Variants in FANCD2OS observed in about 807,000 individuals in gnomAD.
FANCD2OS encodes FANCD2 opposite strand protein.
Under a neutral mutation model 13.2 loss-of-function variants are expected in FANCD2OS, and 11 were observed. The observed-to-expected ratio is 0.83, with a 90% CI of 0.52 to 1.38. The LOEUF is 1.38. FANCD2OS is among the 40% of genes most tolerant of loss of function. FANCD2OS has a pLI of 0.00. For synonymous variants in FANCD2OS, 69 were observed against 84.5 expected (o/e 0.82, Z 1.01); for missense variants, 217 against 213.9 (o/e 1.01, Z -0.09).
At chr3:10,101,274 A>G (rs981613933), downstream of FANCD2OS, 5 of 1,588,732 alleles carry the variant, frequency 3.1e-6, no homozygotes, top group Non-Finnish European at 4.3e-6. Context: ...CCCCAGATAA[A>G]TTGTTGCCTG....
In FANCD2OS at chr3:10,085,848, G is replaced by A. The variant is rs762060936; in HGVS notation, c.*44-4317C>T. The A allele has an allele frequency of 2.5e-6, 4 of 1,613,676 alleles. No individual in the cohort carries two copies. The South Asian group carries it at 3.3e-5, about 13-fold the overall frequency. On this transcript the variant is annotated intron_variant, in intron 2 of 2. Transcript: ENST00000524279. ...CTCAACCTGAAAATCAGAATTTACT[G>A]TATTCAGCCCTCCATGTCCTTAGTA...
downstream of FANCD2OS, among the ~76,000 whole-genome samples, chr3:10,098,158 A>G (rs137927195): frequency 8.2e-3 from 1,256 of 152,330 alleles, 21 homozygotes; most frequent in African/African-American, 0.028. Flanking sequence ...ACAGAGAATT[A>G]GCTTCCTTTC....
At position 10,104,783 on chromosome 3, in the gene FANCD2OS, C is replaced by T; in HGVS notation, c.-8-1G>A. The T allele has an allele frequency of 1.1e-5, 17 of 1,546,888 alleles. No homozygotes were observed. The highest frequency in any genetic ancestry group is 1.5e-5 in the Non-Finnish European group (17 of 1,146,246). ...AGCTGGTATCCTGCCATTGACAGTCCTAAAGGAGGGAAATCAGAGCATGGA... is the reference window on the plus strand; with the variant it reads ...AGCTGGTATCCTGCCATTGACAGTCTTAAAGGAGGGAAATCAGAGCATGGA... On this transcript the variant is annotated splice_acceptor_variant, in intron 1 of 1. Coordinates refer to ENST00000450660, the MANE Select transcript of FANCD2OS (RefSeq NM_001164839.2). LOFTEE classifies it low-confidence loss of function (5UTR_SPLICE).
chr3:10,087,039 C>G, intron 2 of FANCD2OS: 1 of 1,367,374 alleles, frequency 7.3e-7, no homozygotes, highest in Non-Finnish European at 1.0e-6. Context: ...GGCCGTCAAA[C>G]ACTGAAAGGG....
rs147675860 is a variant in FANCD2OS at position 10,087,244 on chromosome 3, C to T, written c.*44-5713G>A. ...ATTTTGGAGAAATCAACAGCTTCTG[C>T]TCAGAACAAAGAAAAAATTGGTGAT... On this transcript the variant is annotated intron_variant, in intron 2 of 2. Transcript: ENST00000524279. 3.7e-4 allele frequency: 596 copies of T among 1,605,114 alleles called. 8 individuals are homozygous for T. The East Asian group carries it at 0.01, about 28-fold the overall frequency.
At chr3:10,087,091 T>A (rs1029196242) in intron 2 of FANCD2OS, 1 of 1,609,606 alleles carries the variant, frequency 6.2e-7, no homozygotes, top group African/African-American at 1.3e-5. Context: ...CTGTGACACA[T>A]AGGATACTAT....
chr3:10,097,391 G>C (rs1315103267), intron 2 of FANCD2OS, among the ~76,000 whole-genome samples: 1 of 152,122 alleles, frequency 6.6e-6, no homozygotes, highest in Admixed American at 6.5e-5. Context: ...TAAGAGACAG[G>C]TACACCCGGG....
At chr3:10,087,674 G>GTC (rs1694302262) in intron 2 of FANCD2OS, among the ~76,000 whole-genome samples, 1 of 151,858 alleles carries the variant, frequency 6.6e-6, no homozygotes, top group East Asian at 1.9e-4. Flanking sequence ...TTGAGACAGA[G>GTC]TCTCGTTCTG....
chr3:10,099,219 GC>G, downstream of FANCD2OS: 1 of 1,354,504 alleles, frequency 7.4e-7, no homozygotes, highest in Non-Finnish European at 9.5e-7. Flanking sequence ...TTTGGTGAAA[GC>G]CAAAGCACAG....
At chr3:10,101,290 G>T, downstream of FANCD2OS, 1 of 1,505,038 alleles carries the variant, frequency 6.6e-7, no homozygotes, top group Non-Finnish European at 9.3e-7. Flanking sequence ...GCCTGCTTCT[G>T]TGTCTCTGCC....
downstream of FANCD2OS, among the ~76,000 whole-genome samples, chr3:10,098,069 T>C (rs974890396): frequency 2.0e-5 from 3 of 152,142 alleles, no homozygotes; most frequent in Non-Finnish European, 4.4e-5. Flanking sequence ...TCAGATAGGG[T>C]AGTATAAGCC....
intron 2 of FANCD2OS, among the ~76,000 whole-genome samples, chr3:10,096,946 G>A (rs193257611): frequency 2.2e-3 from 340 of 152,224 alleles, no homozygotes; most frequent in African/African-American, 7.8e-3. Flanking sequence ...AGTGTCAGCT[G>A]GCTTGAGAAA....
intron 2 of FANCD2OS, chr3:10,088,771 C>T: frequency 6.4e-7 from 1 of 1,573,290 alleles, no homozygotes; most frequent in South Asian, 1.1e-5. Flanking sequence ...TTAGAGGAAT[C>T]TGTAGTTGTA....
rs1694893271 is a variant in FANCD2OS, at chr3:10,095,378, A to T, written c.*43+8820T>A. On this transcript the variant is annotated intron_variant, in intron 2 of 2. Coordinates refer to the FANCD2OS transcript ENST00000524279. ...CCATCCTTCTTCCTTTATATCTGGG[A>T]CTGTGTCTGTCCAAAGGCAGTTTAT... 3.2e-6 allele frequency: 3 copies of T among 948,416 alleles called. No individual in the cohort carries two copies. In the Admixed American group the frequency reaches 5.9e-5, roughly 19 times the overall value. The allele number at this position is 948,416 out of a possible 1,614,324, so 58.8% of individuals were successfully genotyped here.
chr3:10,099,077 C>T, downstream of FANCD2OS: 2 of 1,550,892 alleles, frequency 1.3e-6, no homozygotes, highest in East Asian at 4.7e-5. Context: ...TATAGCCTCT[C>T]ATTTTCCATG....
downstream of FANCD2OS, chr3:10,101,503 A>G: frequency 4.2e-6 from 2 of 474,946 alleles, no homozygotes; most frequent in Non-Finnish European, 7.7e-6. Context: ...CTCCTGCCTC[A>G]GCCTCCTGAG....
At chr3:10,106,683 G>C (rs1468753433) in intron 1 of FANCD2OS, among the ~76,000 whole-genome samples, 1 of 152,198 alleles carries the variant, frequency 6.6e-6, no homozygotes, top group Non-Finnish European at 1.5e-5. Context: ...GGAGGCCGAG[G>C]TGGGTGGATC....
At chr3:10,082,874 A>C (rs1437617903) in intron 2 of FANCD2OS, among the ~76,000 whole-genome samples, 7 of 152,210 alleles carry the variant, frequency 4.6e-5, no homozygotes, top group Admixed American at 4.6e-4. Context: ...ATTACTTAAA[A>C]GCAGTGCCTG....
At chr3:10,101,245 TATG>T (rs1408727702), downstream of FANCD2OS, 4 of 1,610,620 alleles carry the variant, frequency 2.5e-6, no homozygotes, top group South Asian at 4.4e-5. Flanking sequence ...TGATGAGAGT[TATG>T]ATGACTCTGA....
Sources: gnomAD v4.1 joint callset for allele counts (sites outside exome capture counted in the v4.1 genomes callset) on GRCh38, gnomAD v4.1.1 for gene constraint, MANE v1.5 for transcripts, NCBI Gene and HGNC (gene_info 2026-07-23, HGNC 2026-07-21) for gene names.